Variants in WDFY3 observed in about 807,000 individuals in gnomAD.
WDFY3 encodes the protein WD repeat and FYVE domain-containing protein 3.
In WDFY3, 66 loss-of-function variants were observed where a neutral mutation model predicts 409.6. The ratio of observed to expected loss-of-function variants is 0.16; its 90% CI spans 0.13 to 0.20. The LOEUF (loss-of-function observed/expected upper bound fraction) is 0.20. WDFY3 is among the 10% of genes least tolerant of loss of function. The pLI is 1.00. For missense variants in WDFY3, 3,031 were observed against 4,298.1 expected (o/e 0.71, Z 8.24); for synonymous variants, 1,521 against 1,537.1 (o/e 0.99, Z 0.25).
chr4:84,680,504 T>A (rs1439050632), intron 64 of WDFY3, among the ~76,000 whole-genome samples: 1 of 152,192 alleles, frequency 6.6e-6, no homozygotes, highest in Non-Finnish European at 1.5e-5. Flanking sequence ...ATTTTGTTCT[T>A]CTTCCTCTTT....
chr4:84,919,948 T>C (rs960693081), intron 2 of WDFY3, among the ~76,000 whole-genome samples: 8 of 152,156 alleles, frequency 5.3e-5, no homozygotes, highest in East Asian at 3.9e-4. Context: ...CCTATAGATA[T>C]GATATGCTCA....
intron 36 of WDFY3, among the ~76,000 whole-genome samples, chr4:84,747,246 G>A (rs1739622359): frequency 6.6e-6 from 1 of 152,172 alleles, no homozygotes; most frequent in South Asian, 2.1e-4. Context: ...TTACGCATCT[G>A]CTGCCCATGG....
chr4:84,758,920 G>A (rs180932865), intron 32 of WDFY3, among the ~76,000 whole-genome samples: 3 of 152,134 alleles, frequency 2.0e-5, no homozygotes, highest in Admixed American at 1.3e-4. Context: ...TTTCTCCTAG[G>A]GTTTTTATGG....
At chr4:84,904,405 C>T (rs1254166204) in intron 2 of WDFY3, among the ~76,000 whole-genome samples, 1 of 151,868 alleles carries the variant, frequency 6.6e-6, no homozygotes, top group East Asian at 1.9e-4. Context: ...AAGAAGAAAA[C>T]TGAGACTCAG....
intron 17 of WDFY3, among the ~76,000 whole-genome samples, chr4:84,798,313 T>C (rs1277690430): frequency 6.6e-6 from 1 of 152,172 alleles, no homozygotes; most frequent in East Asian, 1.9e-4. Context: ...GAATGTTTTT[T>C]AGACAGTTAT....
intron 55 of WDFY3, among the ~76,000 whole-genome samples, chr4:84,702,862 C>A (rs905209913): frequency 6.6e-6 from 1 of 152,072 alleles, no homozygotes; most frequent in African/African-American, 2.4e-5. Flanking sequence ...TTTCGGAGGC[C>A]GAGGCGGGCG....
intron 44 of WDFY3, among the ~76,000 whole-genome samples, chr4:84,729,050 T>A (rs1434231982): frequency 6.6e-6 from 1 of 152,042 alleles, no homozygotes; most frequent in African/African-American, 2.4e-5. Context: ...CAAGAAACTC[T>A]CCTAGTTAGA....
intron 46 of WDFY3, among the ~76,000 whole-genome samples, chr4:84,722,135 C>A (rs1451665222): frequency 6.6e-6 from 1 of 152,110 alleles, no homozygotes; most frequent in Non-Finnish European, 1.5e-5. Flanking sequence ...CACCTATAAT[C>A]CCAGCACTTT....
chr4:84,932,485 T>C (rs1252069550), intron 1 of WDFY3, 122 bp from the exon 2 acceptor site: 6 of 152,228 alleles, frequency 3.9e-5, no homozygotes, highest in Non-Finnish European at 7.3e-5. Flanking sequence ...TAATGGAACA[T>C]ATAGCACTTT....
chr4:84,918,796 C>A (rs184859308), intron 2 of WDFY3, among the ~76,000 whole-genome samples: 1 of 148,858 alleles, frequency 6.7e-6, no homozygotes, highest in African/African-American at 2.5e-5. Flanking sequence ...CAAACACATG[C>A]GCATATTTGT....
At chr4:84,746,976 T>C (rs1440848658) in intron 36 of WDFY3, among the ~76,000 whole-genome samples, 1 of 152,122 alleles carries the variant, frequency 6.6e-6, no homozygotes, top group African/African-American at 2.4e-5. Flanking sequence ...AATCTCCTTA[T>C]GAAAGTTAAA....
rs1561028085 is a variant in WDFY3, at chr4:84,896,897, T to C, written c.-32+14A>G. 6.6e-6 allele frequency: 1 copy of C among 152,218 alleles called. No individual in the cohort carries two copies. Among genetic ancestry groups the C allele is most frequent in the African/African-American group, 2.4e-5 (1 of 41,452 alleles). The allele number at this position is 152,218 out of a possible 1,614,324, so 9.4% of individuals were successfully genotyped here. A position where few individuals can be genotyped will look rare whatever the true frequency, so the allele number is the denominator to read the frequency against. On this transcript the variant is annotated intron_variant, in intron 3 of 67. Coordinates refer to ENST00000295888, the MANE Select transcript of WDFY3 (RefSeq NM_014991.6). ...AAAAACAAAAACCCACAATTTTTCT[T>C]CCCAGAGACTGACCTTTAGGGAATT...
chr4:84,875,263 AACACACAC>A (rs58589086), intron 3 of WDFY3, among the ~76,000 whole-genome samples: 72 of 137,578 alleles, frequency 5.2e-4, no homozygotes, highest in Middle Eastern at 3.6e-3. Context: ...GCAAGACTCA[AACACACAC>A]ACACACACAC....
intron 9 of WDFY3, among the ~76,000 whole-genome samples, chr4:84,827,385 T>C (rs1755013596): frequency 6.6e-6 from 1 of 152,184 alleles, no homozygotes; most frequent in Non-Finnish European, 1.5e-5. Flanking sequence ...TCATACTATA[T>C]ACAGTATGTT....
chr4:84,693,015 A>G lies in WDFY3; in HGVS notation c.8919T>C (p.His2973=). 2 of 1,611,448 alleles carry G rather than the reference A, an allele frequency of 1.2e-6. No homozygotes were observed. The highest frequency in any genetic ancestry group is 1.7e-6 in the Non-Finnish European group (2 of 1,179,484). ...QIPKQLFKKP[H]PPKRVRSRLN... ...GTCGACTTCTCACTCGCTTTGGTGG[A>G]TGAGGTTTTTTAAATAACTGGTATG... Residue 2973 remains histidine (H), a synonymous_variant, in exon 59 of 68, where the codon CAT becomes CAC. Coordinates refer to ENST00000295888, the MANE Select transcript of WDFY3 (RefSeq NM_014991.6).
At chr4:84,692,347 G>C (rs1180922434) in intron 59 of WDFY3, among the ~76,000 whole-genome samples, 1 of 151,692 alleles carries the variant, frequency 6.6e-6, no homozygotes, top group Non-Finnish European at 1.5e-5. Context: ...ACCAGATTTT[G>C]TTCCAATTCT....
At chr4:84,703,672 AC>A (rs1180779710) in intron 55 of WDFY3, among the ~76,000 whole-genome samples, 1 of 152,018 alleles carries the variant, frequency 6.6e-6, no homozygotes, top group East Asian at 1.9e-4. Flanking sequence ...CAGAAGCAAC[AC>A]CCTTACCTCC....
At chr4:84,939,656 G>A (rs1472043970) in intron 1 of WDFY3, among the ~76,000 whole-genome samples, 1 of 151,348 alleles carries the variant, frequency 6.6e-6, no homozygotes. Flanking sequence ...ATACTTACTT[G>A]ATTATTAAAT....
intron 4 of WDFY3, among the ~76,000 whole-genome samples, chr4:84,850,523 G>T (rs994217986): frequency 6.6e-6 from 1 of 152,080 alleles, no homozygotes; most frequent in Non-Finnish European, 1.5e-5. Flanking sequence ...CACCATGTTG[G>T]CCTGGCTAGT....
Sources: allele counts gnomAD v4.1 joint callset (sites outside exome capture counted in the v4.1 genomes callset), GRCh38; gene constraint gnomAD v4.1.1; transcripts MANE v1.5; gene names NCBI Gene and HGNC (gene_info 2026-07-23, HGNC 2026-07-21).